The following CADM2 variants were observed in gnomAD, a reference collection of about 807,000 sequenced individuals.
The protein encoded by CADM2 is immunoglobulin superfamily member 4D.
Under a neutral mutation model 49.8 loss-of-function variants are expected in CADM2, and 12 were observed. The ratio of observed to expected loss-of-function variants is 0.24; its 90% CI spans 0.15 to 0.39. The LOEUF (loss-of-function observed/expected upper bound fraction) is 0.39, where lower values mean the gene tolerates loss of function less well. Among genes scored for constraint, CADM2 ranks in the 10% least tolerant of loss-of-function variants. The pLI is 1.00. For synonymous variants in CADM2, 214 were observed against 175.4 expected (o/e 1.22, Z -1.74); for missense variants, 378 against 492.3 (o/e 0.77, Z 2.20).
chr3:85,003,573 A>T (rs1040440263), intron 1 of CADM2, among the ~76,000 whole-genome samples: 7 of 152,108 alleles, frequency 4.6e-5, no homozygotes, highest in Non-Finnish European at 7.4e-5. Context: ...CAGTTTTATT[A>T]TTACCAATCT....
At position 85,491,680 on chromosome 3, in the gene CADM2, G is replaced by C. The variant is rs894706399; in HGVS notation, c.62-234842G>C. Among the ~76,000 whole-genome samples the C allele has an allele frequency of 1.8e-4, 28 of 152,118 alleles. No individual in the cohort carries two copies. The South Asian group carries it at 5.8e-3, about 32-fold the overall frequency. The stretch of plus-strand genomic sequence containing the variant: ...TAAAAGTTTCTTCTGGGCCGGGCAC[G>C]GTGGCTCACACCTGTAATCCCAGCA... On this transcript the variant is annotated intron_variant, in intron 1 of 9. Coordinates refer to ENST00000383699, the MANE Select transcript of CADM2 (RefSeq NM_001167675.2).
intron 1 of CADM2, among the ~76,000 whole-genome samples, chr3:85,560,373 A>G (rs978672915): frequency 1.3e-5 from 2 of 152,356 alleles, no homozygotes; most frequent in Non-Finnish European, 2.9e-5. Flanking sequence ...AGCAATTGCC[A>G]AGGAATAAGC....
chr3:85,718,944 ACTCT>A (rs1210615547), intron 1 of CADM2, among the ~76,000 whole-genome samples: 2 of 149,420 alleles, frequency 1.3e-5, no homozygotes, highest in Non-Finnish European at 3.0e-5. Flanking sequence ...AGAGAGTCTC[ACTCT>A]GTCAGCCAGG....
chr3:85,552,310 T>C (rs1439664108), intron 1 of CADM2, among the ~76,000 whole-genome samples: 2 of 151,560 alleles, frequency 1.3e-5, no homozygotes, highest in Non-Finnish European at 2.9e-5. Flanking sequence ...GAGACAGGTG[T>C]ACTTTATTAA....
At chr3:85,212,832 T>TTCTTTCTTTCTTTCTC in intron 1 of CADM2, among the ~76,000 whole-genome samples, 1 of 97,426 alleles carries the variant, frequency 1.0e-5, no homozygotes, top group East Asian at 2.6e-4. Context: ...CTTTCTTTCT[T>TTCTTTCTTTCTTTCTC]TCTTTCTTTC....
chr3:85,823,930 A>C (rs1041268288), intron 3 of CADM2, among the ~76,000 whole-genome samples: 7 of 152,162 alleles, frequency 4.6e-5, no homozygotes, highest in East Asian at 1.9e-4. Flanking sequence ...ATTACAGCCC[A>C]TCCGCGAGAT....
At chr3:85,572,750 G>A (rs1244190395) in intron 1 of CADM2, among the ~76,000 whole-genome samples, 6 of 152,150 alleles carry the variant, frequency 3.9e-5, no homozygotes, top group Non-Finnish European at 7.3e-5. Context: ...AAAGAGTCCA[G>A]CTTCAGTAGA....
At chr3:85,201,187 G>A (rs1157100646) in intron 1 of CADM2, among the ~76,000 whole-genome samples, 1 of 152,010 alleles carries the variant, frequency 6.6e-6, no homozygotes, top group Admixed American at 6.6e-5. Context: ...TTGAACTACA[G>A]GCATACCTTG....
At chr3:84,995,652 CAA>C (rs1301423973) in intron 1 of CADM2, among the ~76,000 whole-genome samples, 1 of 152,088 alleles carries the variant, frequency 6.6e-6, no homozygotes, top group African/African-American at 2.4e-5. Context: ...TACTTGCCTA[CAA>C]AAGAGATTAC....
At chr3:85,579,654 A>G (rs1249752170) in intron 1 of CADM2, among the ~76,000 whole-genome samples, 1 of 152,170 alleles carries the variant, frequency 6.6e-6, no homozygotes, top group African/African-American at 2.4e-5. Context: ...TACTAAAATT[A>G]TTAAGGTAAT....
intron 3 of CADM2, among the ~76,000 whole-genome samples, chr3:85,844,953 C>T (rs182758361): frequency 6.6e-6 from 1 of 151,474 alleles, no homozygotes; most frequent in East Asian, 2.0e-4. Flanking sequence ...GAGTTTGAGA[C>T]CAGCATGGGC....
At chr3:85,713,256 C>T (rs1412906299) in intron 1 of CADM2, among the ~76,000 whole-genome samples, 4 of 152,066 alleles carry the variant, frequency 2.6e-5, no homozygotes, top group Non-Finnish European at 5.9e-5. Context: ...CGCTGCCACG[C>T]GGGACTAATT....
chr3:85,195,010 G>A (rs1361345428), intron 1 of CADM2, among the ~76,000 whole-genome samples: 1 of 151,962 alleles, frequency 6.6e-6, no homozygotes, highest in African/African-American at 2.4e-5. Flanking sequence ...GCCTGGCTCT[G>A]CATTTTTAAC....
At chr3:85,398,478 G>A (rs1469829312) in intron 1 of CADM2, among the ~76,000 whole-genome samples, 1 of 152,162 alleles carries the variant, frequency 6.6e-6, no homozygotes, top group East Asian at 1.9e-4. Context: ...ATGTGCATGT[G>A]TCTTTATAGC....
chr3:85,707,313 C>T (rs1417362016), intron 1 of CADM2, among the ~76,000 whole-genome samples: 1 of 150,610 alleles, frequency 6.6e-6, no homozygotes, highest in Non-Finnish European at 1.5e-5. Flanking sequence ...TCTTAGCTTT[C>T]ATAAATTCCT....
At chr3:85,964,568 C>T (rs1006355905) in intron 8 of CADM2, among the ~76,000 whole-genome samples, 7 of 151,660 alleles carry the variant, frequency 4.6e-5, no homozygotes, top group African/African-American at 1.5e-4. Flanking sequence ...TGGTGATTCC[C>T]CCACTCCCTC....
intron 1 of CADM2, among the ~76,000 whole-genome samples, chr3:85,336,906 A>T (rs1222403968): frequency 6.9e-6 from 1 of 143,922 alleles, no homozygotes; most frequent in East Asian, 2.0e-4. Flanking sequence ...TAGCTTATTA[A>T]CAAAGTTAAT....
At chr3:85,580,754 A>C (rs1246386579) in intron 1 of CADM2, among the ~76,000 whole-genome samples, 7 of 152,134 alleles carry the variant, frequency 4.6e-5, no homozygotes, top group Non-Finnish European at 8.8e-5. Flanking sequence ...ACAATGCAGA[A>C]TGAATCCTAT....
intron 1 of CADM2, among the ~76,000 whole-genome samples, chr3:85,062,937 AT>A (rs1162657982): frequency 6.6e-6 from 1 of 151,760 alleles, no homozygotes; most frequent in African/African-American, 2.4e-5. Flanking sequence ...AGACTATTTG[AT>A]TTGAATTGAG....
Sources: allele counts gnomAD v4.1 joint callset (sites outside exome capture counted in the v4.1 genomes callset), GRCh38; gene constraint gnomAD v4.1.1; transcripts MANE v1.5; gene names NCBI Gene and HGNC (gene_info 2026-07-23, HGNC 2026-07-21).